RPS6KC1: variants seen among roughly 807,000 people sequenced by gnomAD.
RPS6KC1 encodes the protein inactive ribosomal protein S6 kinase delta-1.
A neutral mutation model predicts 103.8 loss-of-function variants in RPS6KC1; 54 were observed. The ratio of observed to expected loss-of-function variants is 0.52; its 90% CI spans 0.42 to 0.65. RPS6KC1 has a LOEUF of 0.65. Among genes scored for constraint, RPS6KC1 ranks in the 30% least tolerant of loss-of-function variants. The pLI is 0.00. For synonymous variants in RPS6KC1, 439 were observed against 438.7 expected, an observed-to-expected ratio of 1.00 and a Z score of -0.01; for missense variants, 1,151 against 1,253.8, an observed-to-expected ratio of 0.92 and a Z score of 1.24.
the RPS6KC1 span, among the ~76,000 whole-genome samples, chr1:213,307,498 C>A: frequency 6.6e-6 from 1 of 152,320 alleles, no homozygotes; most frequent in East Asian, 1.9e-4. Flanking sequence ...ATTCCTCTGG[C>A]TTCTAGGTAA....
chr1:213,797,969 C>G, the RPS6KC1 span, among the ~76,000 whole-genome samples: 1 of 152,180 alleles, frequency 6.6e-6, no homozygotes, highest in Non-Finnish European at 1.5e-5. Context: ...AGAGAGGAGG[C>G]CTCTGCCAAT....
At chr1:213,806,871 G>C in the RPS6KC1 span, among the ~76,000 whole-genome samples, 1 of 151,460 alleles carries the variant, frequency 6.6e-6, no homozygotes, top group African/African-American at 2.4e-5. Context: ...TTTCTTCCTA[G>C]TCTTGATGGT....
chr1:213,675,375 T>G, the RPS6KC1 span, among the ~76,000 whole-genome samples: 7 of 152,352 alleles, frequency 4.6e-5, no homozygotes, highest in African/African-American at 1.4e-4. Context: ...TCTTAGGTTT[T>G]CTTCTAGGAT....
chr1:213,732,450 A>G, the RPS6KC1 span, among the ~76,000 whole-genome samples: 1 of 152,018 alleles, frequency 6.6e-6, no homozygotes, highest in Non-Finnish European at 1.5e-5. Context: ...TTCTAGTCCA[A>G]ACTTTTAAAC....
At chr1:213,252,869 T>A (rs140026787) in intron 12 of RPS6KC1, among the ~76,000 whole-genome samples, 1 of 152,196 alleles carries the variant, frequency 6.6e-6, no homozygotes, top group Non-Finnish European at 1.5e-5. Context: ...ATGTTACTTA[T>A]GTGATAAATT....
chr1:213,712,272 G>T, the RPS6KC1 span, among the ~76,000 whole-genome samples: 1 of 152,176 alleles, frequency 6.6e-6, no homozygotes, highest in Admixed American at 6.5e-5. Flanking sequence ...GCTAGAGTGG[G>T]CTCCACCCAG....
At chr1:213,486,909 A>G in the RPS6KC1 span, among the ~76,000 whole-genome samples, 25 of 152,350 alleles carry the variant, frequency 1.6e-4, no homozygotes, top group South Asian at 1.7e-3. Context: ...TTGAAATTGG[A>G]TAATTATATA....
At chr1:213,719,192 G>A in the RPS6KC1 span, among the ~76,000 whole-genome samples, 11 of 152,070 alleles carry the variant, frequency 7.2e-5, no homozygotes, top group Admixed American at 2.6e-4. Flanking sequence ...AAATCACTAG[G>A]GATTAAGAAC....
At chr1:213,639,992 T>C in the RPS6KC1 span, among the ~76,000 whole-genome samples, 1 of 152,020 alleles carries the variant, frequency 6.6e-6, no homozygotes, top group Admixed American at 6.6e-5. Flanking sequence ...TAGTATGTTG[T>C]AAAATTTTCC....
chr1:213,218,648 G>T (rs546927206), intron 8 of RPS6KC1, among the ~76,000 whole-genome samples: 57 of 152,296 alleles, frequency 3.7e-4, no homozygotes, highest in Admixed American at 1.4e-3. Flanking sequence ...AACCAAAACA[G>T]CATGGTACTG....
At chr1:213,161,118 A>T (rs1177827725) in intron 6 of RPS6KC1, among the ~76,000 whole-genome samples, 3 of 152,206 alleles carry the variant, frequency 2.0e-5, no homozygotes, top group African/African-American at 7.2e-5. Flanking sequence ...ATAAACATTG[A>T]GATGACCATG....
intron 10 of RPS6KC1, among the ~76,000 whole-genome samples, chr1:213,234,066 AG>A (rs34919075): frequency 7.1e-6 from 1 of 139,974 alleles, no homozygotes; most frequent in Non-Finnish European, 1.5e-5. Context: ...TCTGTCTCCT[AG>A]GTTAGAGTGC....
chr1:213,586,340 G>A, the RPS6KC1 span, among the ~76,000 whole-genome samples: 2 of 152,194 alleles, frequency 1.3e-5, no homozygotes, highest in Admixed American at 6.5e-5. Context: ...ACACCGCAAC[G>A]CTGGGAATAT....
chr1:213,515,473 T>G, the RPS6KC1 span, among the ~76,000 whole-genome samples: 1 of 152,226 alleles, frequency 6.6e-6, no homozygotes, highest in African/African-American at 2.4e-5. Context: ...CCAGCACCAT[T>G]TATTAAATAG....
At chr1:213,730,155 T>C in the RPS6KC1 span, among the ~76,000 whole-genome samples, 658 of 152,374 alleles carry the variant, frequency 4.3e-3, 5 homozygotes, top group African/African-American at 0.014. Context: ...TACCACATTT[T>C]CTTTATCTAG....
At chr1:213,598,546 TA>T in the RPS6KC1 span, among the ~76,000 whole-genome samples, 1 of 150,688 alleles carries the variant, frequency 6.6e-6, no homozygotes, top group Non-Finnish European at 1.5e-5. Context: ...TTTAGGTAAA[TA>T]AAAAAAAATG....
chr1:213,105,054 T>C (rs573158159), intron 4 of RPS6KC1, among the ~76,000 whole-genome samples: 2 of 152,278 alleles, frequency 1.3e-5, no homozygotes, highest in African/African-American at 4.8e-5. Context: ...TATAAGCCAC[T>C]GTAAGTCTAT....
intron 10 of RPS6KC1, among the ~76,000 whole-genome samples, chr1:213,238,276 A>G (rs1353979887): frequency 6.6e-6 from 1 of 152,186 alleles, no homozygotes; most frequent in African/African-American, 2.4e-5. Context: ...CTTCAAGAAT[A>G]GGTAAGATTT....
chr1:213,606,188 G>A, the RPS6KC1 span, among the ~76,000 whole-genome samples: 1 of 152,200 alleles, frequency 6.6e-6, no homozygotes, highest in Non-Finnish European at 1.5e-5. Flanking sequence ...CCCAAGGGAT[G>A]GAGAAGAAAT....
Sources: allele counts gnomAD v4.1 joint callset (sites outside exome capture counted in the v4.1 genomes callset), GRCh38; gene constraint gnomAD v4.1.1; transcripts MANE v1.5; gene names NCBI Gene and HGNC (gene_info 2026-07-23, HGNC 2026-07-21).